ZSWIM5: variants seen among roughly 807,000 people sequenced by gnomAD.
The protein encoded by ZSWIM5 is zinc finger SWIM-type containing 5.
Under a neutral mutation model 119.6 loss-of-function variants are expected in ZSWIM5, and 55 were observed. That is an observed-to-expected ratio of 0.46 (90% CI 0.37 to 0.58). The LOEUF is 0.58. Ranked by LOEUF, ZSWIM5 falls within the 20% of genes least tolerant of loss-of-function variation. The pLI, the probability that ZSWIM5 is intolerant of heterozygous loss-of-function variation, is 0.00. For missense variants in ZSWIM5, 1,193 were observed against 1,512.8 expected (o/e 0.79, Z 3.51); for synonymous variants, 537 against 606.9 (o/e 0.88, Z 1.69).
intron 1 of ZSWIM5, among the ~76,000 whole-genome samples, chr1:45,159,651 CGA>C (rs1645851399): frequency 6.6e-6 from 1 of 151,918 alleles, no homozygotes; most frequent in Non-Finnish European, 1.5e-5. Context: ...TGCAGTGGCA[CGA>C]TCTAGGCTCA....
At chr1:45,081,821 G>A (rs1645293780) in intron 2 of ZSWIM5, among the ~76,000 whole-genome samples, 1 of 152,206 alleles carries the variant, frequency 6.6e-6, no homozygotes, top group South Asian at 2.1e-4. Flanking sequence ...CCCCGTCTGG[G>A]AGGTGTACCC....
At position 45,106,829 on chromosome 1, in the gene ZSWIM5, A is replaced by G. The variant is rs377593292; in HGVS notation, c.596-18592T>C. On this transcript the variant is annotated intron_variant, in intron 1 of 13. Transcript: ENST00000359600. ...TCAGATTGTTACTGTGTCTGTGTAG[A>G]AAGAAGTAGACATAGGAGACTCCAT... Among the ~76,000 whole-genome samples, 602 of 152,326 alleles carry G rather than the reference A, an allele frequency of 4.0e-3. 3 individuals are homozygous for G. The highest frequency in any genetic ancestry group is 0.014 in the African/African-American group (578 of 41,568).
At chr1:45,106,470 T>TG (rs1357507724) in intron 1 of ZSWIM5, among the ~76,000 whole-genome samples, 1 of 130,426 alleles carries the variant, frequency 7.7e-6, no homozygotes, top group African/African-American at 3.0e-5. Context: ...GTCTGGGAAG[T>TG]GGGGGGCGCC....
At chr1:45,166,127 G>A (rs1013702190) in intron 1 of ZSWIM5, among the ~76,000 whole-genome samples, 1 of 152,140 alleles carries the variant, frequency 6.6e-6, no homozygotes, top group Non-Finnish European at 1.5e-5. Context: ...CCATGATCAA[G>A]TGGGCTTCAT....
chr1:45,083,613 C>T (rs947819374), intron 2 of ZSWIM5, among the ~76,000 whole-genome samples: 1 of 152,194 alleles, frequency 6.6e-6, no homozygotes, highest in Admixed American at 6.5e-5. Context: ...CTGGGAAAGA[C>T]AGGTCCTTTG....
Position 45,035,692 on chromosome 1 carries a change from T to C in ZSWIM5, c.2287A>G (p.Met763Val), listed in dbSNP as rs775709541. Residue 763 changes from methionine to valine, a missense_variant, in exon 10 of 14, where the codon ATG (methionine) becomes GTG (valine). Physicochemically the swap from Met to Val is conservative, Grantham distance 21 (BLOSUM62 1). Coordinates refer to ENST00000359600, the MANE Select transcript of ZSWIM5 (RefSeq NM_020883.2). ...GACTGGGAAAGGGCTACCCACCTCA[T>C]GGCACGTAAGGCTAATTTATAGGAC... ...DLSYKLALRA[M>V]RLPVLENSAS... 6.2e-7 allele frequency: 1 copy of C among 1,613,306 alleles called. No homozygotes were observed. Among genetic ancestry groups the C allele is most frequent in the Admixed American group, 1.7e-5 (1 of 60,000 alleles).
rs1570077263 is a variant in ZSWIM5 at position 45,085,091 on chromosome 1, C to G, written c.952+2790G>C. On this transcript the variant is annotated intron_variant, in intron 2 of 13. Coordinates refer to ENST00000359600, the MANE Select transcript of ZSWIM5 (RefSeq NM_020883.2). ...CCTCTGAAATCTAGGCAGAGGCTCCCAAGCCTCAACTCTTGACCTCTGTGC... is the reference window on the plus strand; with the variant it reads ...CCTCTGAAATCTAGGCAGAGGCTCCGAAGCCTCAACTCTTGACCTCTGTGC... Among the ~76,000 whole-genome samples, 2 of 152,242 alleles carry G rather than the reference C, an allele frequency of 1.3e-5. 1 individual carries two copies. Among genetic ancestry groups the G allele is most frequent in the African/African-American group, 4.8e-5 (2 of 41,470 alleles).
chr1:45,056,818 C>A (rs893828278), intron 4 of ZSWIM5, among the ~76,000 whole-genome samples: 5 of 152,194 alleles, frequency 3.3e-5, no homozygotes, highest in Admixed American at 1.3e-4. Flanking sequence ...GAGGAGAAGG[C>A]AAACCATATG....
chr1:45,035,759 G>A lies in ZSWIM5; in HGVS notation c.2220C>T (p.Ala740=). 1 of 1,613,846 alleles carries A rather than the reference G, an allele frequency of 6.2e-7. No homozygotes were observed. Residue 740 remains alanine, a synonymous_variant, in exon 10 of 14, where the codon GCC becomes GCT. Transcript: ENST00000359600. ...HRESVPMHTF[A]KYLFSALLPH... is the part of the protein sequence containing the mutation. The stretch of plus-strand genomic sequence containing the variant: ...GCAGCAGAGCTGAGAACAAATACTT[G>A]GCAAAGGTATGCATGGGAACACTCT...
chr1:45,172,081 TAATA>T (rs1031072792), intron 1 of ZSWIM5, among the ~76,000 whole-genome samples: 26 of 152,166 alleles, frequency 1.7e-4, no homozygotes, highest in African/African-American at 6.0e-4. Context: ...GAGGAAAATC[TAATA>T]ATATTGTAAG....
intron 1 of ZSWIM5, among the ~76,000 whole-genome samples, chr1:45,115,929 C>T (rs1298317241): frequency 3.9e-5 from 6 of 152,164 alleles, no homozygotes; most frequent in African/African-American, 1.4e-4. Context: ...TGTAGCGAGC[C>T]GAGATCACGC....
chr1:45,070,058 TCC>T, intron 2 of ZSWIM5: 1 of 862,216 alleles, frequency 1.2e-6, no homozygotes, highest in Non-Finnish European at 2.0e-6. Context: ...CACACACGAA[TCC>T]AATGACTAGA....
Position 45,206,597 on chromosome 1 carries a change from C to G in ZSWIM5, c.-247G>C, listed in dbSNP as rs1420870808. On this transcript the variant is annotated 5_prime_UTR_variant, in exon 1 of 14. Coordinates refer to ENST00000359600, the MANE Select transcript of ZSWIM5 (RefSeq NM_020883.2). ...CGCGCGGTGTCCTGGCCGCCGCGGA[C>G]GCGAAGACAGGCGGGAGCGAGCGCG... is the stretch of plus-strand genomic sequence containing the variant. 1 of 947,156 alleles carries G rather than the reference C, an allele frequency of 1.1e-6. No individual in the cohort carries two copies. The highest frequency in any genetic ancestry group is 1.3e-6 in the Non-Finnish European group (1 of 794,502). 58.7% of individuals were successfully genotyped at this position (947,156 alleles called of 1,614,324 possible). A position where few individuals can be genotyped will look rare whatever the true frequency, so the allele number is the denominator to read the frequency against.
intron 11 of ZSWIM5, among the ~76,000 whole-genome samples, chr1:45,026,409 G>A (rs1003741464): frequency 6.8e-6 from 1 of 147,558 alleles, no homozygotes; most frequent in Non-Finnish European, 1.5e-5. Context: ...TTTGCTAAGG[G>A]TTTTTTTTTT....
At chr1:45,163,951 A>G (rs961538582) in intron 1 of ZSWIM5, among the ~76,000 whole-genome samples, 1 of 152,204 alleles carries the variant, frequency 6.6e-6, no homozygotes, top group Non-Finnish European at 1.5e-5. Context: ...CAACATTCAA[A>G]TTCAGGAAAT....
At chr1:45,190,927 ATTTTTTTTTTTTTTT>A (rs746764436) in intron 1 of ZSWIM5, among the ~76,000 whole-genome samples, 214 of 48,994 alleles carry the variant, frequency 4.4e-3, no homozygotes, top group Middle Eastern at 0.017. Flanking sequence ...AATAGCTGGA[ATTTTTTTTTTTTTTT>A]TTTTTTTTTT....
intron 11 of ZSWIM5, among the ~76,000 whole-genome samples, chr1:45,021,408 T>C (rs1644887217): frequency 6.6e-6 from 1 of 152,214 alleles, no homozygotes; most frequent in Non-Finnish European, 1.5e-5. Context: ...TCCCACTGTC[T>C]GCTTCTCACT....
chr1:45,034,427 G>C lies in ZSWIM5; in HGVS notation c.2334C>G (p.Ser778=). ...CCACAGACACCATATGGTGAGGGTG[G>C]GATGTGTCGCCTGCAGAAGCTGAGT... ...LENSASAGDT[S]HPHHMVSVVP... The change falls in exon 11 of 14, where the codon TCC becomes TCG. Residue 778 remains serine (S), a synonymous_variant. Transcript: ENST00000359600. 1 of 1,612,748 alleles carries C rather than the reference G, an allele frequency of 6.2e-7. No homozygotes were observed. Among genetic ancestry groups the C allele is most frequent in the Non-Finnish European group, 8.5e-7 (1 of 1,179,498 alleles).
At chr1:45,152,324 G>C (rs1447819213) in intron 1 of ZSWIM5, among the ~76,000 whole-genome samples, 1 of 152,226 alleles carries the variant, frequency 6.6e-6, no homozygotes, top group African/African-American at 2.4e-5. Context: ...ATCCTGGCAA[G>C]AGACGATGGT....
Sources: allele counts gnomAD v4.1 joint callset (sites outside exome capture counted in the v4.1 genomes callset), GRCh38; gene constraint gnomAD v4.1.1; transcripts MANE v1.5; gene names NCBI Gene and HGNC (gene_info 2026-07-23, HGNC 2026-07-21).